Variants in UIMC1 observed in about 807,000 individuals in gnomAD.
The protein encoded by UIMC1 is BRCA1-A complex subunit RAP80.
UIMC1 carries 42 observed loss-of-function variants against 84.9 expected under a neutral mutation model. The observed-to-expected ratio is 0.49, with a 90% CI of 0.39 to 0.64. The LOEUF is 0.64. UIMC1 is among the 30% of genes least tolerant of loss of function. UIMC1 has a pLI of 0.00. For missense variants in UIMC1, 825 were observed against 847.6 expected, an observed-to-expected ratio of 0.97 and a Z score of 0.33; for synonymous variants, 281 against 293.0, an observed-to-expected ratio of 0.96 and a Z score of 0.42.
Position 176,940,121 on chromosome 5 carries a change from A to C in UIMC1, c.1597+3214T>G, listed in dbSNP as rs796701244. Among the ~76,000 whole-genome samples the C allele has an allele frequency of 1.1e-4, 17 of 152,324 alleles. No homozygotes were observed. The South Asian group carries it at 2.9e-3, about 26-fold the overall frequency. The stretch of plus-strand genomic sequence containing the variant: ...CCTGGTTCTAGTGGCATAAGTCTGA[A>C]AATTGGTTTGAGAAAATTCAGGAAC... On this transcript the variant is annotated intron_variant, in intron 10 of 14. Coordinates refer to ENST00000511320, the MANE Select transcript of UIMC1 (RefSeq NM_001199298.2).
chr5:176,963,517 T>C (rs1340770084), intron 6 of UIMC1, among the ~76,000 whole-genome samples: 3 of 139,882 alleles, frequency 2.1e-5, no homozygotes. Flanking sequence ...TGAAACTCCA[T>C]CTTTAAAAAA....
chr5:176,976,229 C>T (rs1438859259), intron 2 of UIMC1, among the ~76,000 whole-genome samples: 1 of 152,088 alleles, frequency 6.6e-6, no homozygotes, highest in East Asian at 1.9e-4. Flanking sequence ...GCAGATGGAT[C>T]GCTTGAACCC....
At chr5:176,995,824 CA>C (rs1773525502) in intron 1 of UIMC1, among the ~76,000 whole-genome samples, 1 of 82,910 alleles carries the variant, frequency 1.2e-5, no homozygotes, top group Admixed American at 1.9e-4. Flanking sequence ...GCCTGGGCAA[CA>C]AGAGTGAAAC....
intron 1 of UIMC1, among the ~76,000 whole-genome samples, chr5:177,000,185 G>T (rs1351792119): frequency 2.0e-5 from 3 of 152,128 alleles, no homozygotes; most frequent in Non-Finnish European, 4.4e-5. Flanking sequence ...GTCTCAATCT[G>T]ACCTCATGAT....
chr5:176,943,968 T>C (rs148302057), intron 9 of UIMC1, among the ~76,000 whole-genome samples: 1 of 152,316 alleles, frequency 6.6e-6, no homozygotes, highest in East Asian at 1.9e-4. Flanking sequence ...CTCTACCACA[T>C]TGTAAGGCAC....
At chr5:177,001,712 G>C (rs1331741336) in intron 1 of UIMC1, among the ~76,000 whole-genome samples, 1 of 151,648 alleles carries the variant, frequency 6.6e-6, no homozygotes, top group Non-Finnish European at 1.5e-5. Context: ...GCTGAGGGGG[G>C]GCGGATCACA....
chr5:176,951,405 C>T lies in UIMC1; in HGVS notation c.1443+69G>A, dbSNP rs542157500. ...CCTAAATCTTTTCAGCCAATGTCAACGTTGCATCAGAGAGAGGACTGCCAA... is the reference window on the plus strand; with the variant it reads ...CCTAAATCTTTTCAGCCAATGTCAATGTTGCATCAGAGAGAGGACTGCCAA... On this transcript the variant is annotated intron_variant, in intron 9 of 14. Transcript: ENST00000511320. 4.1e-5 allele frequency: 50 copies of T among 1,210,374 alleles called. No individual in the cohort carries two copies. In the South Asian group the frequency reaches 5.8e-4, roughly 14 times the overall value. The allele number at this position is 1,210,374 out of a possible 1,614,324, so 75.0% of individuals were successfully genotyped here. A position where few individuals can be genotyped will look rare whatever the true frequency, so the allele number is the denominator to read the frequency against.
intron 1 of UIMC1, among the ~76,000 whole-genome samples, chr5:177,017,419 C>T (rs1268733826): frequency 6.6e-6 from 1 of 152,102 alleles, no homozygotes; most frequent in African/African-American, 2.4e-5. Flanking sequence ...TGGAGTCTTG[C>T]TCTTCTTGCC....
chr5:176,917,309 C>T (rs1299216669), intron 10 of UIMC1, among the ~76,000 whole-genome samples: 2 of 152,296 alleles, frequency 1.3e-5, no homozygotes, highest in Admixed American at 6.5e-5. Flanking sequence ...AGGTGGCCCA[C>T]GCCTGTAATC....
At position 176,982,515 on chromosome 5, in the gene UIMC1, C is replaced by T. The variant is rs749537411; in HGVS notation, c.101G>A (p.Arg34His). ...TTSSVSVKRKRRLEDAFIVIS... is the reference protein window; with the variant it reads ...TTSSVSVKRKHRLEDAFIVIS... ...CACAATGAATGCATCCTCAAGTCTA[C>T]GCTTCCTCTTCACACTGACAGAACT... is the stretch of plus-strand genomic sequence containing the variant. Residue 34 changes from arginine (R) to histidine (H), a missense_variant, in exon 2 of 15, where the codon CGT becomes CAT. By Grantham distance (29) the Arg-to-His change is conservative. Coordinates refer to ENST00000511320, the MANE Select transcript of UIMC1 (RefSeq NM_001199298.2). 21 of 1,614,004 alleles carry T rather than the reference C, an allele frequency of 1.3e-5. No homozygotes were observed. The East Asian group carries it at 1.3e-4, about 10-fold the overall frequency.
At chr5:176,945,806 T>C (rs1765033471) in intron 9 of UIMC1, among the ~76,000 whole-genome samples, 2 of 152,220 alleles carry the variant, frequency 1.3e-5, no homozygotes. Context: ...CCTGTTTCCA[T>C]GGATTGTTTG....
intron 10 of UIMC1, among the ~76,000 whole-genome samples, chr5:176,926,319 A>G (rs1360483460): frequency 1.3e-5 from 2 of 152,044 alleles, no homozygotes; most frequent in African/African-American, 2.4e-5. Context: ...TGGTGTTACA[A>G]TTTTGTAGGA....
intron 1 of UIMC1, among the ~76,000 whole-genome samples, chr5:176,984,201 G>A (rs1343463814): frequency 7.0e-6 from 1 of 141,864 alleles, no homozygotes. Context: ...AATGGGAAGT[G>A]AGGAGCGCCT....
intron 1 of UIMC1, among the ~76,000 whole-genome samples, chr5:176,993,571 C>A (rs1241812441): frequency 6.6e-6 from 1 of 152,120 alleles, no homozygotes; most frequent in Non-Finnish European, 1.5e-5. Context: ...ACGTTCTGCA[C>A]ATGTACCCCA....
intron 12 of UIMC1, 120 bp from the exon 13 acceptor site, chr5:176,907,297 G>C (rs1759518543): frequency 2.1e-6 from 2 of 931,484 alleles, no homozygotes; most frequent in Non-Finnish European, 1.6e-6. Flanking sequence ...CAGCTCTAGG[G>C]AAGTCTTTTG....
rs1479148637 is a variant in UIMC1, at chr5:176,982,503, T to C, written c.113A>G (p.Asp38Gly). Residue 38 changes from aspartate to glycine, a missense_variant, in exon 2 of 15, where the codon GAT (aspartate) becomes GGT (glycine). Asp to Gly is a moderately conservative substitution (Grantham distance 94, BLOSUM62 -1). Coordinates refer to ENST00000511320, the MANE Select transcript of UIMC1 (RefSeq NM_001199298.2). ...ACTATCGGATATCACAATGAATGCA[T>C]CCTCAAGTCTACGCTTCCTCTTCAC... ...VSVKRKRRLE[D>G]AFIVISDSDG... 6.2e-7 allele frequency: 1 copy of C among 1,613,898 alleles called. No homozygotes were observed. Among genetic ancestry groups the C allele is most frequent in the African/African-American group, 1.3e-5 (1 of 74,900 alleles).
At chr5:176,963,518 CT>C (rs1030144780) in intron 6 of UIMC1, among the ~76,000 whole-genome samples, 1 of 132,362 alleles carries the variant, frequency 7.6e-6, no homozygotes, top group Admixed American at 7.6e-5. Flanking sequence ...GAAACTCCAT[CT>C]TTAAAAAAAA....
chr5:176,997,684 CAAA>C (rs11327766), intron 1 of UIMC1, among the ~76,000 whole-genome samples: 239 of 102,900 alleles, frequency 2.3e-3, no homozygotes, highest in East Asian at 5.8e-3. Context: ...GACTCTGTCT[CAAA>C]AAAAAAAAAA....
chr5:176,963,600 G>A (rs963362940), intron 6 of UIMC1, among the ~76,000 whole-genome samples: 11 of 151,486 alleles, frequency 7.3e-5, no homozygotes, highest in Admixed American at 7.2e-4. Context: ...GTGTGACACT[G>A]GTAGTTTATT....
Sources: gnomAD v4.1 joint callset for allele counts (sites outside exome capture counted in the v4.1 genomes callset) on GRCh38, gnomAD v4.1.1 for gene constraint, MANE v1.5 for transcripts, NCBI Gene and HGNC (gene_info 2026-07-23, HGNC 2026-07-21) for gene names.